Variants in STK3 observed in about 807,000 individuals in gnomAD.
STK3 encodes the protein serine/threonine kinase 3.
STK3 carries 41 observed loss-of-function variants against 58.0 expected under a neutral mutation model. That is an observed-to-expected ratio of 0.71 (90% CI 0.55 to 0.92). The LOEUF is 0.92. Among genes scored for constraint, STK3 ranks in the 40% least tolerant of loss-of-function variants. The probability of loss-of-function intolerance (pLI) is 0.00; values close to 1 mark genes in which losing one functional copy is unlikely to be tolerated. For missense variants in STK3, 479 were observed against 602.7 expected (o/e 0.79, Z 2.15); for synonymous variants, 170 against 191.0 (o/e 0.89, Z 0.91).
intron 4 of STK3, among the ~76,000 whole-genome samples, chr8:98,714,341 C>T (rs907119306): frequency 5.9e-5 from 9 of 152,078 alleles, no homozygotes; most frequent in East Asian, 5.8e-4. Flanking sequence ...AGTCAAATTG[C>T]CCCTGTCTGC....
intron 1 of STK3, among the ~76,000 whole-genome samples, chr8:98,781,030 C>G (rs1832055464): frequency 6.6e-6 from 1 of 152,158 alleles, no homozygotes; most frequent in Admixed American, 6.5e-5. Context: ...TGACAGGAAG[C>G]AGAATTATCT....
chr8:98,559,115 TATTA>T (rs1408581350), intron 8 of STK3, among the ~76,000 whole-genome samples: 1 of 152,168 alleles, frequency 6.6e-6, no homozygotes, highest in Admixed American at 6.6e-5. Context: ...GTATACACCT[TATTA>T]ATTATTAAAT....
chr8:98,598,426 A>G (rs1816018723), intron 6 of STK3: 4 of 985,186 alleles, frequency 4.1e-6, no homozygotes, highest in African/African-American at 1.7e-5. Context: ...GTCCAAACAA[A>G]TAAGTCTTAG....
intron 6 of STK3, among the ~76,000 whole-genome samples, chr8:98,694,671 A>G (rs1203020090): frequency 6.6e-6 from 1 of 152,182 alleles, no homozygotes; most frequent in Non-Finnish European, 1.5e-5. Flanking sequence ...CCCTACAAAG[A>G]ACATGAACTC....
chr8:98,668,444 C>T (rs1162267383), intron 6 of STK3, among the ~76,000 whole-genome samples: 1 of 152,158 alleles, frequency 6.6e-6, no homozygotes, highest in Admixed American at 6.5e-5. Flanking sequence ...GGAATCATAA[C>T]TTACAGTCAG....
chr8:98,758,255 T>C (rs1253513669), intron 3 of STK3, among the ~76,000 whole-genome samples: 3 of 152,180 alleles, frequency 2.0e-5, no homozygotes, highest in East Asian at 1.9e-4. Flanking sequence ...ACTGAAACTA[T>C]TGCAAGAAAG....
At chr8:98,545,883 A>G (rs1396594955) in intron 9 of STK3, among the ~76,000 whole-genome samples, 2 of 152,188 alleles carry the variant, frequency 1.3e-5, no homozygotes, top group Non-Finnish European at 2.9e-5. Flanking sequence ...CAAAACTACA[A>G]TAATTATATG....
At chr8:98,935,437 C>T (rs1840161841) in intron 1 of STK3, among the ~76,000 whole-genome samples, 1 of 152,160 alleles carries the variant, frequency 6.6e-6, no homozygotes, top group Admixed American at 6.5e-5. Flanking sequence ...AATACAATCT[C>T]CTTCCTCAAG....
chr8:98,621,924 T>C (rs1818359043), intron 6 of STK3, among the ~76,000 whole-genome samples: 1 of 151,234 alleles, frequency 6.6e-6, no homozygotes, highest in East Asian at 1.9e-4. Context: ...AATATATCTG[T>C]GGCTGAGAAA....
intron 6 of STK3, among the ~76,000 whole-genome samples, chr8:98,624,908 GA>G (rs1563819614): frequency 6.6e-6 from 1 of 152,102 alleles, no homozygotes; most frequent in African/African-American, 2.4e-5. Flanking sequence ...GTCTTGGCTA[GA>G]TAGAGGAGTA....
chr8:98,864,411 G>A (rs1837055649), intron 3 of STK3, among the ~76,000 whole-genome samples: 1 of 152,124 alleles, frequency 6.6e-6, no homozygotes, highest in Non-Finnish European at 1.5e-5. Flanking sequence ...TAGAACAGCT[G>A]TATGCACCAG....
At chr8:98,667,461 T>C (rs538015846) in intron 6 of STK3, among the ~76,000 whole-genome samples, 29 of 152,266 alleles carry the variant, frequency 1.9e-4, no homozygotes, top group African/African-American at 7.0e-4. Flanking sequence ...GATACTACTA[T>C]AAATTTGACA....
intron 3 of STK3, among the ~76,000 whole-genome samples, chr8:98,414,079 CA>C (rs1818087828): frequency 6.6e-6 from 1 of 152,182 alleles, no homozygotes; most frequent in South Asian, 2.1e-4. Context: ...GCCTGGCCAA[CA>C]CGGTGAAACC....
chr8:98,361,115 C>G, the STK3 span, among the ~76,000 whole-genome samples: 1 of 152,184 alleles, frequency 6.6e-6, no homozygotes, highest in Non-Finnish European at 1.5e-5. Context: ...TTAGATTACA[C>G]TGAGTACCCC....
chr8:98,377,176 C>T (rs1817684905), intron 2 of STK3, among the ~76,000 whole-genome samples: 1 of 152,142 alleles, frequency 6.6e-6, no homozygotes, highest in Admixed American at 6.5e-5. Flanking sequence ...ACCTTATCTA[C>T]CTTCCCTCCC....
chr8:98,580,494 G>T (rs1813782227), intron 7 of STK3, among the ~76,000 whole-genome samples: 1 of 152,178 alleles, frequency 6.6e-6, no homozygotes, highest in Non-Finnish European at 1.5e-5. Flanking sequence ...TAGAGTGAAA[G>T]GTTATAATTT....
chr8:98,913,474 A>G (rs1366823440), intron 1 of STK3, among the ~76,000 whole-genome samples: 1 of 152,242 alleles, frequency 6.6e-6, no homozygotes, highest in African/African-American at 2.4e-5. Context: ...TAATCTTCAA[A>G]GAAGAGTCCC....
intron 10 of STK3, among the ~76,000 whole-genome samples, chr8:98,489,318 A>G (rs1387749575): frequency 1.3e-5 from 2 of 152,126 alleles, no homozygotes; most frequent in South Asian, 2.1e-4. Context: ...TGTTCTCTAC[A>G]TGCCTTCCCA....
intron 10 of STK3, among the ~76,000 whole-genome samples, chr8:98,495,407 C>T (rs1471033882): frequency 2.0e-5 from 3 of 151,906 alleles, no homozygotes; most frequent in African/African-American, 7.3e-5. Context: ...AATTCAAAGG[C>T]CATGGACAGC....
Sources: allele counts gnomAD v4.1 joint callset (sites outside exome capture counted in the v4.1 genomes callset), GRCh38; gene constraint gnomAD v4.1.1; transcripts MANE v1.5; gene names NCBI Gene and HGNC (gene_info 2026-07-23, HGNC 2026-07-21).